The following AGBL4 variants were observed in gnomAD, a reference collection of about 807,000 sequenced individuals.
AGBL4 encodes AGBL carboxypeptidase 4.
In AGBL4, 58 loss-of-function variants were observed where a neutral mutation model predicts 66.4. That is an observed-to-expected ratio of 0.87 (90% CI 0.71 to 1.09). AGBL4 has a LOEUF of 1.09. Ranked by LOEUF, AGBL4 falls within the 50% of genes least tolerant of loss-of-function variation. The pLI is 0.00. For synonymous variants in AGBL4, 234 were observed against 222.9 expected (o/e 1.05, Z -0.44); for missense variants, 579 against 631.0 (o/e 0.92, Z 0.88).
chr1:49,044,994 T>A (rs1644042186), intron 5 of AGBL4, among the ~76,000 whole-genome samples: 1 of 152,160 alleles, frequency 6.6e-6, no homozygotes, highest in African/African-American at 2.4e-5. Flanking sequence ...GTTTGTCACA[T>A]CAGCAATAGG....
At chr1:49,815,194 A>C (rs755836571) in intron 2 of AGBL4, among the ~76,000 whole-genome samples, 2 of 152,130 alleles carry the variant, frequency 1.3e-5, no homozygotes, top group Non-Finnish European at 2.9e-5. Flanking sequence ...TGCCTCAGCT[A>C]AACATTCTTC....
chr1:49,906,740 C>T (rs1261500236), intron 1 of AGBL4, among the ~76,000 whole-genome samples: 6 of 151,886 alleles, frequency 4.0e-5, no homozygotes, highest in Admixed American at 6.6e-5. Context: ...TGTAAGTAAA[C>T]GTGTAAAGAA....
chr1:49,100,752 G>C (rs1050752878), intron 4 of AGBL4, among the ~76,000 whole-genome samples: 2 of 152,186 alleles, frequency 1.3e-5, no homozygotes, highest in Admixed American at 1.3e-4. Context: ...CAGCAGCTAA[G>C]AGGGCTCCAG....
chr1:48,911,583 G>A (rs955015870), intron 5 of AGBL4, among the ~76,000 whole-genome samples: 1 of 144,994 alleles, frequency 6.9e-6, no homozygotes, highest in Non-Finnish European at 1.5e-5. Flanking sequence ...TCACGCCACT[G>A]CACTCCAGCC....
chr1:49,305,123 A>C (rs756430646), intron 3 of AGBL4, among the ~76,000 whole-genome samples: 2 of 152,210 alleles, frequency 1.3e-5, no homozygotes, highest in Non-Finnish European at 2.9e-5. Context: ...GAACCCAAGC[A>C]ATCTGGCTCC....
chr1:49,202,583 TG>T (rs1275938899), intron 4 of AGBL4, among the ~76,000 whole-genome samples: 2 of 151,904 alleles, frequency 1.3e-5, no homozygotes, highest in African/African-American at 4.8e-5. Context: ...TTGAAAAAAA[TG>T]GAACCTTATC....
chr1:49,314,892 G>A (rs1370301098), intron 3 of AGBL4, among the ~76,000 whole-genome samples: 1 of 152,074 alleles, frequency 6.6e-6, no homozygotes. Flanking sequence ...TCCAGCATCT[G>A]TTGTTTCCTG....
At chr1:49,205,046 C>G (rs1180540513) in intron 4 of AGBL4, among the ~76,000 whole-genome samples, 3 of 152,118 alleles carry the variant, frequency 2.0e-5, no homozygotes, top group South Asian at 4.1e-4. Flanking sequence ...TTTGTGTCAG[C>G]TGGCTCTTCT....
At chr1:48,934,758 C>T (rs1057109611) in intron 5 of AGBL4, among the ~76,000 whole-genome samples, 3 of 152,188 alleles carry the variant, frequency 2.0e-5, no homozygotes, top group Admixed American at 6.5e-5. Context: ...TCTATTCCCA[C>T]GGCTGCTGCC....
At chr1:49,333,174 TATAATAATA>T (rs200800782) in intron 3 of AGBL4, among the ~76,000 whole-genome samples, 1 of 151,172 alleles carries the variant, frequency 6.6e-6, no homozygotes, top group Non-Finnish European at 1.5e-5. Context: ...GAACTTAAAG[TATAATAATA>T]ATAATAATAA....
chr1:49,188,599 A>C (rs1315644438), intron 4 of AGBL4, among the ~76,000 whole-genome samples: 3 of 152,170 alleles, frequency 2.0e-5, no homozygotes, highest in African/African-American at 7.2e-5. Context: ...TGAATGAACA[A>C]ATAAACAAAT....
chr1:48,718,524 A>C (rs1348451877), intron 6 of AGBL4, among the ~76,000 whole-genome samples: 1 of 152,184 alleles, frequency 6.6e-6, no homozygotes, highest in Non-Finnish European at 1.5e-5. Context: ...CTCAGTAGTG[A>C]CTGTCATTCT....
chr1:48,539,672 T>TCAACCA lies in AGBL4; in HGVS notation c.1328_1333dup (p.Val443_Val444dup), dbSNP rs1351068179. The TCAACCA allele has an allele frequency of 6.5e-7, 1 of 1,544,160 alleles. No individual in the cohort carries two copies. The highest frequency in any genetic ancestry group is 2.0e-5 in the Admixed American group (1 of 50,570). ...TCTCGGCATGGGAATTGCCACCTTTTCAACCACGGGGTTCAGCCGATAATA... is the reference window on the plus strand; with the variant it reads ...TCTCGGCATGGGAATTGCCACCTTTTCAACCACAACCACGGGGTTCAGCCGATAATA... On this transcript the variant is annotated inframe_insertion, in exon 12 of 14. Transcript: ENST00000371839.
At chr1:48,669,160 C>A (rs906324309) in intron 6 of AGBL4, among the ~76,000 whole-genome samples, 1 of 152,184 alleles carries the variant, frequency 6.6e-6, no homozygotes, top group Non-Finnish European at 1.5e-5. Flanking sequence ...GACTGTGAGA[C>A]CTTGGGCCAA....
At chr1:49,035,130 CTG>C (rs1267670426) in intron 5 of AGBL4, among the ~76,000 whole-genome samples, 1 of 152,046 alleles carries the variant, frequency 6.6e-6, no homozygotes, top group Non-Finnish European at 1.5e-5. Flanking sequence ...GAATACAGTT[CTG>C]TGTTTTAGTT....
At chr1:49,530,016 G>A (rs1302318201) in intron 3 of AGBL4, among the ~76,000 whole-genome samples, 1 of 151,666 alleles carries the variant, frequency 6.6e-6, no homozygotes, top group Admixed American at 6.6e-5. Context: ...ACAATACTTG[G>A]CACACAGTAG....
Position 49,214,856 on chromosome 1 carries a change from T to C in AGBL4, c.377+30914A>G, listed in dbSNP as rs925525331. Reference sequence around the variant, plus strand: ...TAAAGGGAGTATCAAGTATATTTGTTGCTGAAACATTTTTGAAAGTTGGGA... The same window carrying C: ...TAAAGGGAGTATCAAGTATATTTGTCGCTGAAACATTTTTGAAAGTTGGGA... On this transcript the variant is annotated intron_variant, in intron 4 of 13. Coordinates refer to ENST00000371839, the MANE Select transcript of AGBL4 (RefSeq NM_032785.4). Among the ~76,000 whole-genome samples, 6 of 152,164 alleles carry C rather than the reference T, an allele frequency of 3.9e-5. 1 individual carries two copies. The highest frequency in any genetic ancestry group is 8.8e-5 in the Non-Finnish European group (6 of 68,028).
At chr1:49,373,047 C>T (rs976212451) in intron 3 of AGBL4, among the ~76,000 whole-genome samples, 1 of 152,192 alleles carries the variant, frequency 6.6e-6, no homozygotes, top group African/African-American at 2.4e-5. Context: ...GCGTGAGCCA[C>T]TGTGCCCAGC....
chr1:48,709,399 T>A (rs1035503943), intron 6 of AGBL4, among the ~76,000 whole-genome samples: 2 of 152,184 alleles, frequency 1.3e-5, no homozygotes, highest in African/African-American at 4.8e-5. Flanking sequence ...ACAGATATGC[T>A]ACACACCTAC....
Sources: allele counts gnomAD v4.1 joint callset (sites outside exome capture counted in the v4.1 genomes callset), GRCh38; gene constraint gnomAD v4.1.1; transcripts MANE v1.5; gene names NCBI Gene and HGNC (gene_info 2026-07-23, HGNC 2026-07-21).